Variants in NAALADL2 observed in about 807,000 individuals in gnomAD.
NAALADL2 encodes the protein N-acetylated alpha-linked acidic dipeptidase like 2, also known as inactive N-acetylated-alpha-linked acidic dipeptidase-like protein 2.
In NAALADL2, 76 loss-of-function variants were observed where a neutral mutation model predicts 87.2. That is an observed-to-expected ratio of 0.87 (90% CI 0.72 to 1.05). The LOEUF (loss-of-function observed/expected upper bound fraction) is 1.05, where lower values mean the gene tolerates loss of function less well. Among genes scored for constraint, NAALADL2 ranks in the 50% least tolerant of loss-of-function variants. The pLI, the probability that NAALADL2 is intolerant of heterozygous loss-of-function variation, is 0.00. For missense variants in NAALADL2, 1,089 were observed against 945.8 expected, an observed-to-expected ratio of 1.15 and a Z score of -1.99; for synonymous variants, 354 against 331.0, an observed-to-expected ratio of 1.07 and a Z score of -0.75.
intron 5 of NAALADL2, among the ~76,000 whole-genome samples, chr3:175,418,618 T>C (rs1305334827): frequency 6.6e-6 from 1 of 152,110 alleles, no homozygotes; most frequent in African/African-American, 2.4e-5. Flanking sequence ...CCGTGGAAGA[T>C]GGCATGCCAG....
At chr3:175,558,836 A>G (rs558775370) in intron 9 of NAALADL2, among the ~76,000 whole-genome samples, 1 of 152,280 alleles carries the variant, frequency 6.6e-6, no homozygotes, top group Admixed American at 6.5e-5. Context: ...ACTCTGTAGT[A>G]TAATTTAAAG....
chr3:175,075,826 G>A (rs955269206), intron 1 of NAALADL2, among the ~76,000 whole-genome samples: 47 of 151,992 alleles, frequency 3.1e-4, no homozygotes, highest in African/African-American at 4.3e-4. Flanking sequence ...AACTAACTAC[G>A]AACGCACAGA....
chr3:174,595,694 C>A (rs1335929460), intron 2 of NAALADL2, among the ~76,000 whole-genome samples: 3 of 152,102 alleles, frequency 2.0e-5, no homozygotes, highest in Non-Finnish European at 4.4e-5. Flanking sequence ...AATACATGGC[C>A]AAGTCTCTCC....
intron 1 of NAALADL2, among the ~76,000 whole-genome samples, chr3:174,461,062 C>T (rs1716187217): frequency 6.6e-6 from 1 of 152,038 alleles, no homozygotes; most frequent in Non-Finnish European, 1.5e-5. Flanking sequence ...TTACAATGAA[C>T]TTCAACAGAA....
chr3:175,788,095 T>G (rs1015444622), intron 13 of NAALADL2, among the ~76,000 whole-genome samples: 33 of 148,650 alleles, frequency 2.2e-4, no homozygotes, highest in African/African-American at 6.7e-4. Flanking sequence ...CCTGTTTTTT[T>G]TTTTTTTTTT....
intron 2 of NAALADL2, among the ~76,000 whole-genome samples, chr3:174,717,972 C>G (rs945058909): frequency 4.6e-5 from 7 of 151,936 alleles, no homozygotes; most frequent in African/African-American, 1.7e-4. Context: ...CCTAAAAATA[C>G]AAAAAAACTT....
At chr3:175,243,898 CAAGTTATTTTGA>C (rs1295568454) in intron 3 of NAALADL2, among the ~76,000 whole-genome samples, 7 of 152,250 alleles carry the variant, frequency 4.6e-5, no homozygotes, top group Admixed American at 6.5e-5. Flanking sequence ...AAACTTCTCT[CAAGTTATTTTGA>C]AATATAAACC....
chr3:175,090,241 C>T (rs1719838334), intron 1 of NAALADL2, among the ~76,000 whole-genome samples: 1 of 151,976 alleles, frequency 6.6e-6, no homozygotes. Context: ...GAGACTTAAA[C>T]TTATGTGGTA....
intron 1 of NAALADL2, among the ~76,000 whole-genome samples, chr3:174,952,243 C>G (rs1740476283): frequency 1.3e-5 from 2 of 152,230 alleles, no homozygotes; most frequent in South Asian, 2.1e-4. Flanking sequence ...AGTAGGTTGT[C>G]TTATATTTTA....
At chr3:174,859,313 A>G, upstream of NAALADL2, 3 of 881,734 alleles carry the variant, frequency 3.4e-6, no homozygotes, top group Non-Finnish European at 5.6e-6. Context: ...GTATACTGTT[A>G]CAATACTACA....
Position 175,634,839 on chromosome 3 carries a change from G to A in NAALADL2, c.1896+7453G>A, listed in dbSNP as rs571966806. ...TTTTAAAAAAATTCAATTTTTTTCC[G>A]CTATATCAAATTATTGTTACTAGAT... On this transcript the variant is annotated intron_variant, in intron 11 of 13. Coordinates refer to ENST00000454872, the MANE Select transcript of NAALADL2 (RefSeq NM_207015.3). Among the ~76,000 whole-genome samples, 227 of 151,754 alleles carry A rather than the reference G, an allele frequency of 1.5e-3. 1 individual carries two copies. Among genetic ancestry groups the A allele is most frequent in the African/African-American group, 4.9e-3 (203 of 41,404 alleles).
chr3:175,768,543 A>T (rs1432527723), intron 13 of NAALADL2, among the ~76,000 whole-genome samples: 1 of 151,690 alleles, frequency 6.6e-6, no homozygotes, highest in African/African-American at 2.4e-5. Flanking sequence ...TTTAAAAAAC[A>T]AATTCGGCCA....
chr3:175,132,431 T>G (rs187082717), intron 2 of NAALADL2, among the ~76,000 whole-genome samples: 112 of 5,388 alleles, frequency 0.021, 18 homozygotes, highest in East Asian at 0.042. Flanking sequence ...GTTGGCCGGG[T>G]GGGGCTGACC....
chr3:175,784,837 A>T (rs1751689659), intron 13 of NAALADL2, among the ~76,000 whole-genome samples: 2 of 72,976 alleles, frequency 2.7e-5, no homozygotes, highest in Non-Finnish European at 4.7e-5. Flanking sequence ...TCTTGTGGGC[A>T]TTTAGTGCTA....
At position 175,323,721 on chromosome 3, in the gene NAALADL2, T is replaced by TAA. The variant is rs1479695098; in HGVS notation, c.940-453_940-452insAA. Reference sequence around the variant, plus strand: ...TTGATAGAAATCTAAAATCTCTGCTTATTTTAAAAGAAAAGGCCGGGTGCA... The same window carrying TAA: ...TTGATAGAAATCTAAAATCTCTGCTTAAATTTTAAAAGAAAAGGCCGGGTGCA... On this transcript the variant is annotated intron_variant, in intron 4 of 13. Transcript: ENST00000454872. 2.6e-5 allele frequency among the ~76,000 whole-genome samples: 4 copies of TAA among 151,176 alleles called. No homozygotes were observed. The East Asian group carries it at 7.8e-4, about 29-fold the overall frequency.
chr3:174,982,832 C>G (rs1448927406), intron 1 of NAALADL2, among the ~76,000 whole-genome samples: 1 of 151,756 alleles, frequency 6.6e-6, no homozygotes, highest in Non-Finnish European at 1.5e-5. Flanking sequence ...GAGTCTCGCT[C>G]TGTTGCCCAG....
chr3:174,731,008 G>T (rs188114687), intron 2 of NAALADL2, among the ~76,000 whole-genome samples: 1 of 152,072 alleles, frequency 6.6e-6, no homozygotes, highest in African/African-American at 2.4e-5. Context: ...TTTTTTCATA[G>T]GGAGTGCTAG....
chr3:175,351,470 T>A (rs922949538), intron 5 of NAALADL2, among the ~76,000 whole-genome samples: 2 of 151,824 alleles, frequency 1.3e-5, no homozygotes, highest in Non-Finnish European at 2.9e-5. Context: ...CCAAATAATT[T>A]TTTTTTGCTC....
chr3:174,843,553 C>T (rs1433371404), intron 3 of NAALADL2, among the ~76,000 whole-genome samples: 1 of 152,052 alleles, frequency 6.6e-6, no homozygotes, highest in Non-Finnish European at 1.5e-5. Context: ...TGGATATATG[C>T]CCAGTAATGA....
Sources: gnomAD v4.1 joint callset for allele counts (sites outside exome capture counted in the v4.1 genomes callset) on GRCh38, gnomAD v4.1.1 for gene constraint, MANE v1.5 for transcripts, NCBI Gene and HGNC (gene_info 2026-07-23, HGNC 2026-07-21) for gene names.